Variants in GABRB1 observed in about 807,000 individuals in gnomAD.
The protein encoded by GABRB1 is gamma-aminobutyric acid receptor subunit beta-1.
In GABRB1, 17 loss-of-function variants were observed where a neutral mutation model predicts 51.6. That is an observed-to-expected ratio of 0.33 (90% confidence interval 0.23 to 0.49). The LOEUF (loss-of-function observed/expected upper bound fraction) is 0.49, where lower values mean the gene tolerates loss of function less well. Ranked by LOEUF, GABRB1 falls within the 20% of genes least tolerant of loss-of-function variation. The pLI, the probability that GABRB1 is intolerant of heterozygous loss-of-function variation, is 0.99. For synonymous variants in GABRB1, 247 were observed against 218.9 expected (o/e 1.13, Z -1.14); for missense variants, 410 against 600.6 (o/e 0.68, Z 3.32).
At chr4:47,202,653 A>G (rs1171031965) in intron 4 of GABRB1, among the ~76,000 whole-genome samples, 1 of 152,224 alleles carries the variant, frequency 6.6e-6, no homozygotes, top group African/African-American at 2.4e-5. Context: ...AACAGAGTTG[A>G]CAAGACTGTC....
chr4:47,255,203 T>C (rs1431402204), intron 4 of GABRB1, among the ~76,000 whole-genome samples: 1 of 152,242 alleles, frequency 6.6e-6, no homozygotes, highest in African/African-American at 2.4e-5. Flanking sequence ...ATAATCCCTC[T>C]TCTTCACCTA....
intron 3 of GABRB1, among the ~76,000 whole-genome samples, chr4:47,147,605 C>G (rs1179906119): frequency 1.3e-5 from 2 of 152,104 alleles, no homozygotes; most frequent in African/African-American, 4.8e-5. Context: ...GCCATGATGA[C>G]AGCCTACTGT....
At chr4:47,067,652 A>T (rs1440388103) in intron 3 of GABRB1, among the ~76,000 whole-genome samples, 1 of 151,424 alleles carries the variant, frequency 6.6e-6, no homozygotes, top group Non-Finnish European at 1.5e-5. Context: ...TGTTATTGTT[A>T]TTATTTGAGT....
chr4:47,016,988 T>C (rs532923492), intron 1 of GABRB1, among the ~76,000 whole-genome samples: 7 of 152,160 alleles, frequency 4.6e-5, no homozygotes, highest in Non-Finnish European at 1.0e-4. Flanking sequence ...CTGTTATAAT[T>C]AGAAATTTTA....
intron 4 of GABRB1, among the ~76,000 whole-genome samples, chr4:47,180,255 A>G (rs1041556739): frequency 1.4e-4 from 22 of 152,200 alleles, no homozygotes; most frequent in Admixed American, 1.1e-3. Context: ...ATCTATTCCA[A>G]AGTAAATTTC....
At chr4:47,130,289 A>C (rs2109670500) in intron 3 of GABRB1, among the ~76,000 whole-genome samples, 1 of 147,078 alleles carries the variant, frequency 6.8e-6, no homozygotes, top group East Asian at 2.0e-4. Context: ...GCCCCATACC[A>C]CTGCACATTC....
rs5858061 is a variant in GABRB1 at position 47,273,864 on chromosome 4, TACACAC to T, written c.462-46231_462-46226del. Among the ~76,000 whole-genome samples the T allele has an allele frequency of 6.2e-4, 76 of 122,416 alleles. 1 individual carries two copies. The highest frequency in any genetic ancestry group is 1.5e-3 in the African/African-American group (53 of 36,016). The allele number at this position is 122,416 out of a possible 152,430, so 80.3% of individuals were successfully genotyped here. A position where few individuals can be genotyped will look rare whatever the true frequency, so the allele number is the denominator to read the frequency against. ...TGTTTGAAAGTAAACCATATATACA[TACACAC>T]ACACACACACACACACACACACACA... On this transcript the variant is annotated intron_variant, in intron 4 of 8. Transcript: ENST00000295454.
chr4:47,363,182 TAAC>T lies in GABRB1; in HGVS notation c.545-40133_545-40131del, dbSNP rs1726867457. ...GTAGAGTGGTAAGCACTTTACACCTTAACAAATTTATTATACTCACTTTAGAGA... is the reference window on the plus strand; with the variant it reads ...GTAGAGTGGTAAGCACTTTACACCTTAAATTTATTATACTCACTTTAGAGA... On this transcript the variant is annotated intron_variant, in intron 5 of 8. Coordinates refer to ENST00000295454, the MANE Select transcript of GABRB1 (RefSeq NM_000812.4). 2.6e-5 allele frequency among the ~76,000 whole-genome samples: 4 copies of T among 152,226 alleles called. No homozygotes were observed. In the South Asian group the frequency reaches 8.3e-4, roughly 32 times the overall value.
At chr4:47,283,017 C>G (rs4695209) in intron 4 of GABRB1, among the ~76,000 whole-genome samples, 9,671 of 152,160 alleles carry the variant, frequency 0.064, 510 homozygotes, top group East Asian at 0.28. Flanking sequence ...AAGGCAGTAG[C>G]TAGAACAGGA....
intron 5 of GABRB1, among the ~76,000 whole-genome samples, chr4:47,340,173 G>T (rs1192960433): frequency 6.6e-6 from 1 of 152,056 alleles, no homozygotes; most frequent in Non-Finnish European, 1.5e-5. Flanking sequence ...AGAGGTCAGA[G>T]AAACCAGCCT....
chr4:47,001,301 C>T (rs561575098), intron 1 of GABRB1, among the ~76,000 whole-genome samples: 6 of 151,900 alleles, frequency 3.9e-5, no homozygotes, highest in Non-Finnish European at 5.9e-5. Context: ...CCCCACCACG[C>T]CCAGCTAATT....
chr4:47,041,196 T>C (rs1725822371), intron 3 of GABRB1, among the ~76,000 whole-genome samples: 1 of 152,088 alleles, frequency 6.6e-6, no homozygotes, highest in African/African-American at 2.4e-5. Flanking sequence ...GAAGCTTACC[T>C]GCCAGGAAAT....
intron 3 of GABRB1, among the ~76,000 whole-genome samples, chr4:47,141,448 A>C (rs557168572): frequency 1.3e-5 from 2 of 152,102 alleles, no homozygotes; most frequent in Middle Eastern, 6.8e-3. Context: ...TCCTAGTCTT[A>C]TCAACCATGG....
intron 3 of GABRB1, among the ~76,000 whole-genome samples, chr4:47,092,330 G>A (rs1346525949): frequency 3.3e-5 from 5 of 150,646 alleles, no homozygotes; most frequent in African/African-American, 7.3e-5. Context: ...ACACCACCAC[G>A]CCTGGACAAT....
At chr4:46,995,334 A>T (rs111686493) in intron 1 of GABRB1, among the ~76,000 whole-genome samples, 39 of 152,268 alleles carry the variant, frequency 2.6e-4, no homozygotes, top group African/African-American at 9.4e-4. Context: ...GATTCTCCAC[A>T]TATTATATTA....
intron 5 of GABRB1, among the ~76,000 whole-genome samples, chr4:47,367,197 C>G (rs1727009429): frequency 6.6e-6 from 1 of 152,172 alleles, no homozygotes; most frequent in African/African-American, 2.4e-5. Flanking sequence ...CCACTCACAG[C>G]TCATTCCAAG....
At chr4:47,424,911 C>T (rs1011395498) in intron 8 of GABRB1, among the ~76,000 whole-genome samples, 1 of 152,160 alleles carries the variant, frequency 6.6e-6, no homozygotes, top group Non-Finnish European at 1.5e-5. Context: ...CAGTGAACAA[C>T]AGTAGAGGAA....
chr4:47,049,381 G>A (rs1279852366), intron 3 of GABRB1, among the ~76,000 whole-genome samples: 1 of 152,126 alleles, frequency 6.6e-6, no homozygotes, highest in Admixed American at 6.5e-5. Context: ...GTTTCTTGAG[G>A]GGAGAATACA....
At chr4:47,001,287 C>G (rs1052214877) in intron 1 of GABRB1, among the ~76,000 whole-genome samples, 4 of 151,848 alleles carry the variant, frequency 2.6e-5, no homozygotes, top group African/African-American at 9.7e-5. Flanking sequence ...GGACTACAGG[C>G]GCCCCCCACC....
Sources: gnomAD v4.1 joint callset for allele counts (sites outside exome capture counted in the v4.1 genomes callset) on GRCh38, gnomAD v4.1.1 for gene constraint, MANE v1.5 for transcripts, NCBI Gene and HGNC (gene_info 2026-07-23, HGNC 2026-07-21) for gene names.